NIN: variants seen among roughly 807,000 people sequenced by gnomAD.
NIN encodes ninein, also known as glycogen synthase kinase 3 beta-interacting protein.
NIN carries 137 observed loss-of-function variants against 257.6 expected under a neutral mutation model. The observed-to-expected ratio is 0.53, with a 90% confidence interval of 0.46 to 0.61. The LOEUF (loss-of-function observed/expected upper bound fraction) is 0.61. Ranked by LOEUF, NIN falls within the 20% of genes least tolerant of loss-of-function variation. NIN has a pLI of 0.00. For synonymous variants in NIN, 918 were observed against 919.8 expected (o/e 1.00, Z 0.04); for missense variants, 2,439 against 2,501.2 (o/e 0.98, Z 0.53).
At chr14:50,804,994 T>C (rs2142175152) in intron 4 of NIN, among the ~76,000 whole-genome samples, 1 of 152,304 alleles carries the variant, frequency 6.6e-6, no homozygotes. Context: ...TTCACATCTG[T>C]AGTCACTATA....
At chr14:50,797,457 G>A (rs1352905069) in intron 4 of NIN, among the ~76,000 whole-genome samples, 2 of 152,134 alleles carry the variant, frequency 1.3e-5, no homozygotes, top group Non-Finnish European at 2.9e-5. Flanking sequence ...TTACATTGCT[G>A]CTGAGCTCAC....
chr14:50,766,363 AGAACT>A lies in NIN; in HGVS notation c.1574_1578del (p.Glu525ValfsTer13). 1 of 1,614,192 alleles carries A rather than the reference AGAACT, an allele frequency of 6.2e-7. No individual in the cohort carries two copies. The highest frequency in any genetic ancestry group is 8.5e-7 in the Non-Finnish European group (1 of 1,180,034). On this transcript the variant is annotated frameshift_variant, in exon 14 of 31. Coordinates refer to ENST00000530997, the MANE Select transcript of NIN (RefSeq NM_020921.4). LOFTEE classifies it high-confidence loss of function. Reference sequence around the variant, plus strand: ...TGTGTCAGTCTCTCTTCTTGCAGGAAGAACTCAGCACTGCTAGGATCGAGGTCACC... The same window carrying A: ...TGTGTCAGTCTCTCTTCTTGCAGGAACAGCACTGCTAGGATCGAGGTCACC...
chr14:50,809,599 G>A (rs976116841), intron 3 of NIN, among the ~76,000 whole-genome samples: 1 of 152,206 alleles, frequency 6.6e-6, no homozygotes, highest in African/African-American at 2.4e-5. Flanking sequence ...AAAGGCGTAA[G>A]TTTTGATGGA....
At chr14:50,750,495 T>A (rs2041740743) in intron 21 of NIN, among the ~76,000 whole-genome samples, 2 of 152,238 alleles carry the variant, frequency 1.3e-5, no homozygotes, top group Admixed American at 1.3e-4. Context: ...AGACATATAG[T>A]AGTTTCAGAA....
At position 50,792,886 on chromosome 14, in the gene NIN, G is replaced by T. The variant is rs367993693; in HGVS notation, c.266-5C>A. ...GCTGAGCTTCTAGTGAGCAGTCTGA[G>T]AGAGGAGACAAGAGTTGAGGCCACA... On this transcript the variant is annotated splice_polypyrimidine_tract_variant and splice_region_variant and intron_variant, in intron 4 of 30. Coordinates refer to ENST00000530997, the MANE Select transcript of NIN (RefSeq NM_020921.4). The T allele has an allele frequency of 9.3e-6, 15 of 1,613,990 alleles. No individual in the cohort carries two copies. Among genetic ancestry groups the T allele is most frequent in the Non-Finnish European group, 1.2e-5 (14 of 1,179,970 alleles).
In NIN at chr14:50,792,372, C is replaced by T. The variant is rs934048983; in HGVS notation, c.435+340G>A. ...CAAGGGAGGGGGAGGAGCTGGTTCG[C>T]CTTTTAAATAACTAAAAATGATCAT... On this transcript the variant is annotated intron_variant, in intron 5 of 30. Coordinates refer to ENST00000530997, the MANE Select transcript of NIN (RefSeq NM_020921.4). The T allele has an allele frequency of 1.9e-5, 4 of 205,964 alleles. No individual in the cohort carries two copies. In the East Asian group the frequency reaches 4.3e-4, roughly 22 times the overall value. 12.8% of individuals were successfully genotyped at this position (205,964 alleles called of 1,614,324 possible).
At position 50,727,677 on chromosome 14, in the gene NIN, G is replaced by T. The variant is rs369138957; in HGVS notation, c.6079-1611C>A. 2.6e-5 allele frequency: 38 copies of T among 1,441,464 alleles called. No individual in the cohort carries two copies. The African/African-American group carries it at 4.8e-4, about 18-fold the overall frequency. 89.3% of individuals were successfully genotyped at this position (1,441,464 alleles called of 1,614,324 possible). The stretch of plus-strand genomic sequence containing the variant: ...GCCATGGTAAGAAATGCCATCAATA[G>T]CAGCCCAGTTTTCACAGGTGCCCAA... On this transcript the variant is annotated intron_variant, in intron 29 of 30. Coordinates refer to ENST00000530997, the MANE Select transcript of NIN (RefSeq NM_020921.4).
At chr14:50,781,608 A>T (rs1219719690) in intron 5 of NIN, among the ~76,000 whole-genome samples, 1 of 152,194 alleles carries the variant, frequency 6.6e-6, no homozygotes, top group Non-Finnish European at 1.5e-5. Context: ...AGGATCGAGT[A>T]TGGAGGCCAC....
intron 27 of NIN, among the ~76,000 whole-genome samples, chr14:50,737,565 C>T (rs2041048831): frequency 6.8e-6 from 1 of 146,266 alleles, no homozygotes; most frequent in Non-Finnish European, 1.5e-5. Flanking sequence ...AAATATTTTG[C>T]CAACTTATAA....
chr14:50,745,499 C>T (rs1362311978), intron 22 of NIN, among the ~76,000 whole-genome samples: 4 of 152,164 alleles, frequency 2.6e-5, no homozygotes, highest in South Asian at 2.1e-4. Flanking sequence ...GATTTTACGA[C>T]CATCTTTCTA....
chr14:50,821,439 T>G lies in NIN; in HGVS notation c.183+435A>C, dbSNP rs368080379. Among the ~76,000 whole-genome samples the G allele has an allele frequency of 5.9e-5, 9 of 152,366 alleles. No homozygotes were observed. The East Asian group carries it at 1.5e-3, about 26-fold the overall frequency. Reference sequence around the variant, plus strand: ...TGTCTTATTTCCTGGGTAGAAAGTTTAATTAATACTTCACCCAGAAATAAT... The same window carrying G: ...TGTCTTATTTCCTGGGTAGAAAGTTGAATTAATACTTCACCCAGAAATAAT... On this transcript the variant is annotated intron_variant, in intron 3 of 30. Coordinates refer to ENST00000530997, the MANE Select transcript of NIN (RefSeq NM_020921.4).
In NIN at chr14:50,759,948, G is replaced by A; in HGVS notation, c.2308C>T (p.Leu770=). ...QELEQFHQEQ[L]TSLVEKHTLE... ...GTGTGTTTCTCCACCAGGCTTGTCA[G>A]CTGCTCCTGGTGAAACTGCTCTAGT... The change falls in exon 17 of 31, where the codon CTG becomes TTG. Residue 770 remains leucine (L), a synonymous_variant. Transcript: ENST00000530997. The A allele has an allele frequency of 6.2e-7, 1 of 1,614,130 alleles. No homozygotes were observed. The highest frequency in any genetic ancestry group is 8.5e-7 in the Non-Finnish European group (1 of 1,180,016).
At chr14:50,767,839 C>G (rs2042567845) in intron 12 of NIN, among the ~76,000 whole-genome samples, 1 of 150,378 alleles carries the variant, frequency 6.6e-6, no homozygotes, top group African/African-American at 2.4e-5. Flanking sequence ...AAAAGTAGAG[C>G]AACTCTAAAA....
At chr14:50,790,831 T>A (rs1250563332) in intron 5 of NIN, among the ~76,000 whole-genome samples, 1 of 152,234 alleles carries the variant, frequency 6.6e-6, no homozygotes, top group Non-Finnish European at 1.5e-5. Flanking sequence ...TATTTATACA[T>A]GAAATCAAAG....
intron 22 of NIN, among the ~76,000 whole-genome samples, chr14:50,745,894 G>C (rs1412410146): frequency 6.6e-6 from 1 of 152,078 alleles, no homozygotes; most frequent in Non-Finnish European, 1.5e-5. Context: ...CTAGGTCCAC[G>C]TTGTATAATA....
intron 5 of NIN, among the ~76,000 whole-genome samples, chr14:50,781,586 CCTAA>C (rs1436526804): frequency 6.6e-6 from 1 of 152,188 alleles, no homozygotes; most frequent in African/African-American, 2.4e-5. Flanking sequence ...GATTCTTACT[CCTAA>C]CTAATAAAGG....
intron 27 of NIN, 26 bp from the exon 28 acceptor site, chr14:50,735,643 C>G: frequency 6.3e-7 from 1 of 1,592,166 alleles, no homozygotes; most frequent in South Asian, 1.1e-5. Flanking sequence ...AAAATATTCC[C>G]TTGAAACAGA....
intron 5 of NIN, among the ~76,000 whole-genome samples, chr14:50,782,922 G>A (rs2065076): frequency 0.16 from 24,240 of 151,786 alleles, 2,326 homozygotes; most frequent in Non-Finnish European, 0.2. Flanking sequence ...CTTGTGGACT[G>A]AGACCATCTC....
chr14:50,804,893 C>T (rs1392079080), intron 4 of NIN, among the ~76,000 whole-genome samples: 6 of 152,224 alleles, frequency 3.9e-5, no homozygotes, highest in African/African-American at 1.2e-4. Flanking sequence ...TCCTAGGCCA[C>T]ATGCAGCCCA....
Sources: gnomAD v4.1 joint callset for allele counts (sites outside exome capture counted in the v4.1 genomes callset) on GRCh38, gnomAD v4.1.1 for gene constraint, MANE v1.5 for transcripts, NCBI Gene and HGNC (gene_info 2026-07-23, HGNC 2026-07-21) for gene names.